The following PCCA variants were observed in gnomAD, a reference collection of about 807,000 sequenced individuals.
The protein encoded by PCCA is propionyl-CoA carboxylase alpha chain, mitochondrial.
In PCCA, 74 loss-of-function variants were observed where a neutral mutation model predicts 101.3. The ratio of observed to expected loss-of-function variants is 0.73; its 90% CI spans 0.61 to 0.89. The LOEUF (loss-of-function observed/expected upper bound fraction) is 0.89, where lower values mean the gene tolerates loss of function less well. PCCA is among the 40% of genes least tolerant of loss of function. The probability of loss-of-function intolerance (pLI) is 0.00; values close to 1 mark genes in which losing one functional copy is unlikely to be tolerated. For missense variants in PCCA, 891 were observed against 907.0 expected, an observed-to-expected ratio of 0.98 and a Z score of 0.23; for synonymous variants, 294 against 313.6, an observed-to-expected ratio of 0.94 and a Z score of 0.66.
At chr13:100,473,852 T>C (rs2083210728) in intron 21 of PCCA, among the ~76,000 whole-genome samples, 1 of 152,276 alleles carries the variant, frequency 6.6e-6, no homozygotes, top group African/African-American at 2.4e-5. Context: ...CTCTGGCTTA[T>C]CGCACAATGA....
At chr13:100,228,700 C>G (rs980989812) in intron 7 of PCCA, among the ~76,000 whole-genome samples, 2 of 151,814 alleles carry the variant, frequency 1.3e-5, no homozygotes, top group Non-Finnish European at 2.9e-5. Flanking sequence ...GAGTTCGAAA[C>G]CAGCCTGCCA....
chr13:100,478,053 T>A (rs996398540), intron 21 of PCCA, among the ~76,000 whole-genome samples: 2 of 152,226 alleles, frequency 1.3e-5, no homozygotes, highest in Non-Finnish European at 2.9e-5. Flanking sequence ...TAGCAAATGA[T>A]CAGCTGTGAA....
intron 12 of PCCA, among the ~76,000 whole-genome samples, chr13:100,289,085 C>A (rs1265435793): frequency 6.6e-6 from 1 of 152,122 alleles, no homozygotes; most frequent in Non-Finnish European, 1.5e-5. Flanking sequence ...CCTAATAATG[C>A]ATATTTTTAA....
chr13:100,486,107 C>CTAA lies in PCCA; in HGVS notation c.1900-29320_1900-29319insTAA, dbSNP rs2084355814. ...TGTCATGAGCCATTCTCTAAACCACCGTCTGCCTGAAAACTGCCTCATTCT... is the reference window on the plus strand; with the variant it reads ...TGTCATGAGCCATTCTCTAAACCACCTAAGTCTGCCTGAAAACTGCCTCATTCT... On this transcript the variant is annotated intron_variant, in intron 21 of 23. Transcript: ENST00000376285. 3.9e-5 allele frequency among the ~76,000 whole-genome samples: 6 copies of CTAA among 152,290 alleles called. No individual in the cohort carries two copies. In the South Asian group the frequency reaches 1.2e-3, roughly 32 times the overall value.
chr13:100,133,769 A>T (rs1594280015), intron 4 of PCCA, among the ~76,000 whole-genome samples: 1 of 152,064 alleles, frequency 6.6e-6, no homozygotes, highest in Non-Finnish European at 1.5e-5. Flanking sequence ...AGAGAGGCAG[A>T]CCCACCCCCA....
chr13:100,246,676 A>G (rs1456930143), intron 8 of PCCA, among the ~76,000 whole-genome samples: 6 of 152,176 alleles, frequency 3.9e-5, no homozygotes, highest in African/African-American at 1.4e-4. Context: ...TTTTATTATT[A>G]TTGATTTCTA....
chr13:100,522,932 TACAC>T (rs2087425738), intron 22 of PCCA, among the ~76,000 whole-genome samples: 1 of 152,276 alleles, frequency 6.6e-6, no homozygotes, highest in Non-Finnish European at 1.5e-5. Context: ...ATTAGTGAGC[TACAC>T]CACCTTCTGA....
chr13:100,437,029 T>C (rs2079984942), intron 20 of PCCA, among the ~76,000 whole-genome samples: 1 of 152,160 alleles, frequency 6.6e-6, no homozygotes, highest in Non-Finnish European at 1.5e-5. Context: ...TTGCTCTGGG[T>C]AGCACCTCGG....
At position 100,275,946 on chromosome 13, in the gene PCCA, C is replaced by G. The variant is rs546177662; in HGVS notation, c.1065+2600C>G. 4.6e-5 allele frequency among the ~76,000 whole-genome samples: 7 copies of G among 152,264 alleles called. No individual in the cohort carries two copies. In the East Asian group the frequency reaches 1.4e-3, roughly 29 times the overall value. On this transcript the variant is annotated intron_variant, in intron 12 of 23. Transcript: ENST00000376285. ...CTTATTATTTTAGTCATCATTCATT[C>G]CATTCCTCCCACATATTTACCTTTC...
At chr13:100,450,013 A>G (rs559398600) in intron 21 of PCCA, among the ~76,000 whole-genome samples, 3 of 152,196 alleles carry the variant, frequency 2.0e-5, no homozygotes, top group Non-Finnish European at 2.9e-5. Context: ...GAAGAGTTTC[A>G]ATTTATTATT....
chr13:100,287,549 G>A (rs2064775722), intron 12 of PCCA, among the ~76,000 whole-genome samples: 1 of 152,028 alleles, frequency 6.6e-6, no homozygotes, highest in African/African-American at 2.4e-5. Context: ...ATCTGAAAGA[G>A]TATATTGTTT....
chr13:100,228,304 C>T (rs993568556), intron 7 of PCCA, among the ~76,000 whole-genome samples: 5 of 152,284 alleles, frequency 3.3e-5, no homozygotes, highest in Admixed American at 6.5e-5. Flanking sequence ...GCGTGAGCCA[C>T]CATGCCTGGC....
rs139680598 is a variant in PCCA at position 100,137,640 on chromosome 13, TA to T, written c.301-17337del. Reference sequence around the variant, plus strand: ...CTCTGAAGCCTACTTTTTCTGATACTAACCTAGGCATTCCAGCCTTTATTTG... The same window carrying T: ...CTCTGAAGCCTACTTTTTCTGATACTACCTAGGCATTCCAGCCTTTATTTG... On this transcript the variant is annotated intron_variant, in intron 4 of 23. Coordinates refer to ENST00000376285, the MANE Select transcript of PCCA (RefSeq NM_000282.4). Among the ~76,000 whole-genome samples the T allele has an allele frequency of 5.4e-4, 82 of 152,312 alleles. 2 individuals are homozygous for T. The East Asian group carries it at 0.015, about 29-fold the overall frequency.
intron 12 of PCCA, among the ~76,000 whole-genome samples, chr13:100,300,382 A>G (rs2065970885): frequency 6.6e-6 from 1 of 152,140 alleles, no homozygotes; most frequent in Non-Finnish European, 1.5e-5. Flanking sequence ...TCTGCTTATG[A>G]TAAGCTTCAA....
At chr13:100,483,462 C>T (rs192310755) in intron 21 of PCCA, among the ~76,000 whole-genome samples, 2 of 152,206 alleles carry the variant, frequency 1.3e-5, no homozygotes, top group Non-Finnish European at 2.9e-5. Flanking sequence ...AGCATGTGAC[C>T]GTTTGTGCTG....
intron 7 of PCCA, among the ~76,000 whole-genome samples, chr13:100,230,961 T>C (rs2060434156): frequency 6.6e-6 from 1 of 152,174 alleles, no homozygotes. Context: ...GTTTCTCTCA[T>C]GTGGCTGTGA....
At chr13:100,260,214 A>G (rs925701422) in intron 9 of PCCA, among the ~76,000 whole-genome samples, 3 of 152,146 alleles carry the variant, frequency 2.0e-5, no homozygotes, top group Admixed American at 1.3e-4. Flanking sequence ...TAAATCAACA[A>G]TGTAATGGAG....
chr13:100,274,678 T>C (rs1179715096), intron 12 of PCCA, among the ~76,000 whole-genome samples: 1 of 152,180 alleles, frequency 6.6e-6, no homozygotes, highest in Admixed American at 6.5e-5. Context: ...GCCTTCTCTC[T>C]GTGCATCTCT....
At chr13:100,266,223 G>A (rs1423634990) in intron 10 of PCCA, among the ~76,000 whole-genome samples, 1 of 152,172 alleles carries the variant, frequency 6.6e-6, no homozygotes, top group African/African-American at 2.4e-5. Flanking sequence ...AGGGTAGAGA[G>A]TAGGTCTTAC....
Sources: gnomAD v4.1 joint callset for allele counts (sites outside exome capture counted in the v4.1 genomes callset) on GRCh38, gnomAD v4.1.1 for gene constraint, MANE v1.5 for transcripts, NCBI Gene and HGNC (gene_info 2026-07-23, HGNC 2026-07-21) for gene names.